Variants in THBS4 observed in about 807,000 individuals in gnomAD.
The protein encoded by THBS4 is thrombospondin-4.
Under a neutral mutation model 115.7 loss-of-function variants are expected in THBS4, and 90 were observed. The observed-to-expected ratio is 0.78, with a 90% confidence interval of 0.66 to 0.93. The LOEUF is 0.93. THBS4 is among the 40% of genes least tolerant of loss of function. THBS4 has a pLI of 0.00. For synonymous variants in THBS4, 460 were observed against 479.3 expected, an observed-to-expected ratio of 0.96 and a Z score of 0.53; for missense variants, 1,087 against 1,232.7, an observed-to-expected ratio of 0.88 and a Z score of 1.77.
chr5:80,060,247 A>T (rs894459173), intron 7 of THBS4, among the ~76,000 whole-genome samples: 18 of 152,244 alleles, frequency 1.2e-4, no homozygotes, highest in Admixed American at 1.1e-3. Context: ...GCAAATGTGG[A>T]AGGGGAGGAT....
chr5:80,073,289 T>C lies in THBS4; in HGVS notation c.1854T>C (p.Asn618=), dbSNP rs1742993773. The C allele has an allele frequency of 1.9e-6, 3 of 1,613,926 alleles. No individual in the cohort carries two copies. Residue 618 remains asparagine, a synonymous_variant, in exon 15 of 22, where the codon AAT becomes AAC. Coordinates refer to ENST00000350881, the MANE Select transcript of THBS4 (RefSeq NM_003248.6). The part of the protein sequence containing the change: ...VSNPNQSDVD[N]DLVGDSCDTN... ...TCTCTTTGCAGTCTGATGTGGATAA[T>C]GATCTGGTTGGGGACTCCTGTGACA... is the stretch of plus-strand genomic sequence containing the variant.
intron 2 of THBS4, among the ~76,000 whole-genome samples, chr5:80,007,893 A>G (rs1387349284): frequency 6.6e-6 from 1 of 152,168 alleles, no homozygotes; most frequent in East Asian, 1.9e-4. Context: ...TCAAATAGTA[A>G]TTAGTTGGTT....
intron 2 of THBS4, among the ~76,000 whole-genome samples, chr5:80,044,804 T>C (rs1833012014): frequency 6.6e-6 from 1 of 152,162 alleles, no homozygotes. Flanking sequence ...GTAGTATTTC[T>C]GGTAGAAGTG....
intron 2 of THBS4, among the ~76,000 whole-genome samples, chr5:80,040,918 G>C (rs962972333): frequency 2.0e-5 from 3 of 152,050 alleles, no homozygotes; most frequent in Non-Finnish European, 4.4e-5. Flanking sequence ...GGGCACCGTA[G>C]CTTTATAATA....
chr5:80,043,362 T>C (rs1388078812), intron 2 of THBS4, among the ~76,000 whole-genome samples: 2 of 152,162 alleles, frequency 1.3e-5, no homozygotes, highest in South Asian at 2.1e-4. Flanking sequence ...CCCACTGCAG[T>C]GTTCAGTGGT....
chr5:80,016,268 G>A (rs187719635), intron 2 of THBS4, among the ~76,000 whole-genome samples: 3 of 152,276 alleles, frequency 2.0e-5, no homozygotes, highest in Admixed American at 6.5e-5. Flanking sequence ...TGTTTTGACC[G>A]ATTATATGTG....
intron 5 of THBS4, 115 bp downstream of exon 5, chr5:80,058,905 C>T (rs434409): frequency 0.21 from 209,319 of 1,009,866 alleles, 22,766 homozygotes; most frequent in African/African-American, 0.34. Flanking sequence ...GCCAGATCTC[C>T]GGGGGCCCAC....
chr5:80,067,416 T>TA lies in THBS4; in HGVS notation c.1195-550dup, dbSNP rs1305301758. 13 of 151,884 alleles carry TA rather than the reference T, an allele frequency of 8.6e-5. 1 individual carries two copies. The highest frequency in any genetic ancestry group is 2.0e-4 in the Admixed American group (3 of 15,230). The allele number at this position is 151,884 out of a possible 1,614,324, so 9.4% of individuals were successfully genotyped here. ...TAATATATATTATATATATAAAAGC[T>TA]AAAAAAACCTGGCCCCTGAAGTGTC... On this transcript the variant is annotated intron_variant, in intron 9 of 21. Transcript: ENST00000350881.
At chr5:80,019,376 G>A (rs1198558843) in intron 2 of THBS4, among the ~76,000 whole-genome samples, 1 of 152,122 alleles carries the variant, frequency 6.6e-6, no homozygotes, top group African/African-American at 2.4e-5. Context: ...TTGATTTCTG[G>A]ATTTTTTTAA....
intron 5 of THBS4, 51 bp from the exon 6 acceptor site, chr5:80,059,389 T>G (rs562644932): frequency 6.4e-7 from 1 of 1,551,190 alleles, no homozygotes; most frequent in Non-Finnish European, 8.9e-7. Context: ...CATTCCTGGA[T>G]GATATCAGGC....
At chr5:80,001,820 G>C (rs1831904924) in intron 2 of THBS4, among the ~76,000 whole-genome samples, 1 of 152,132 alleles carries the variant, frequency 6.6e-6, no homozygotes, top group South Asian at 2.1e-4. Context: ...GGAGTTGGAG[G>C]CACCAAGGGT....
chr5:80,046,488 G>A (rs1301663289), intron 2 of THBS4, among the ~76,000 whole-genome samples: 3 of 152,200 alleles, frequency 2.0e-5, no homozygotes, highest in Non-Finnish European at 4.4e-5. Flanking sequence ...CTGAAATTTA[G>A]GACAGAGCTC....
intron 2 of THBS4, among the ~76,000 whole-genome samples, chr5:80,009,652 A>T (rs1398653414): frequency 8.8e-6 from 1 of 113,724 alleles, no homozygotes; most frequent in Non-Finnish European, 1.9e-5. Context: ...AATGAAGAAA[A>T]ACTCAAAAAA....
At chr5:80,058,340 G>C (rs1241297354) in intron 4 of THBS4, 26 bp downstream of exon 4, 3 of 1,511,836 alleles carry the variant, frequency 2.0e-6, no homozygotes, top group South Asian at 2.4e-5. Context: ...CAGTTTGCAT[G>C]CCTTCATCAA....
At chr5:80,075,421 G>A (rs1743154403) in intron 15 of THBS4, 1 of 152,132 alleles carries the variant, frequency 6.6e-6, no homozygotes, top group Non-Finnish European at 1.5e-5. Context: ...AGAAAACAGG[G>A]GCCGTGTTAT....
intron 1 of THBS4, among the ~76,000 whole-genome samples, chr5:80,039,294 T>C (rs1832818084): frequency 6.6e-6 from 1 of 152,240 alleles, no homozygotes; most frequent in African/African-American, 2.4e-5. Context: ...GGCCTTTGCC[T>C]TTTAAATGAC....
chr5:80,042,404 G>C (rs1832931883), intron 2 of THBS4, among the ~76,000 whole-genome samples: 1 of 152,226 alleles, frequency 6.6e-6, no homozygotes, highest in Non-Finnish European at 1.5e-5. Flanking sequence ...GGTTCATCCA[G>C]CTTAATGGCC....
At chr5:80,068,571 C>G (rs1031456413) in intron 10 of THBS4, 1 of 171,910 alleles carries the variant, frequency 5.8e-6, no homozygotes, top group East Asian at 1.7e-4. Flanking sequence ...TCTGCCTTGA[C>G]GCTCCTGTTG....
intron 14 of THBS4, among the ~76,000 whole-genome samples, chr5:80,072,838 T>A (rs990222974): frequency 6.6e-6 from 1 of 152,216 alleles, no homozygotes; most frequent in African/African-American, 2.4e-5. Flanking sequence ...GTATGATGTG[T>A]CATTTATTTT....
Sources: allele counts gnomAD v4.1 joint callset (sites outside exome capture counted in the v4.1 genomes callset), GRCh38; gene constraint gnomAD v4.1.1; transcripts MANE v1.5; gene names NCBI Gene and HGNC (gene_info 2026-07-23, HGNC 2026-07-21).